Variants in KCNMA1 observed in about 807,000 individuals in gnomAD.
KCNMA1 encodes Calcium-activated potassium channel subunit alpha-1.
Under a neutral mutation model 140.0 loss-of-function variants are expected in KCNMA1, and 29 were observed. That is an observed-to-expected ratio of 0.21 (90% CI 0.15 to 0.28). KCNMA1 has a LOEUF of 0.28. KCNMA1 is among the 10% of genes least tolerant of loss of function. The probability of loss-of-function intolerance (pLI) is 1.00; values close to 1 mark genes in which losing one functional copy is unlikely to be tolerated. For synonymous variants in KCNMA1, 612 were observed against 611.9 expected, an observed-to-expected ratio of 1.00 and a Z score of 0.00; for missense variants, 880 against 1,602.2, an observed-to-expected ratio of 0.55 and a Z score of 7.70.
At chr10:77,242,458 A>C (rs986917088) in intron 3 of KCNMA1, among the ~76,000 whole-genome samples, 3 of 152,170 alleles carry the variant, frequency 2.0e-5, no homozygotes, top group South Asian at 2.1e-4. Context: ...TATTCAACTC[A>C]AAATCTCCCC....
chr10:77,026,126 T>C (rs1054577483), intron 16 of KCNMA1, among the ~76,000 whole-genome samples: 42 of 152,062 alleles, frequency 2.8e-4, no homozygotes, highest in African/African-American at 9.9e-4. Flanking sequence ...GTGCTCTGAG[T>C]TAGTTTTCTT....
At chr10:77,506,642 A>AGG (rs2046105296) in intron 1 of KCNMA1, among the ~76,000 whole-genome samples, 1 of 137,020 alleles carries the variant, frequency 7.3e-6, no homozygotes, top group African/African-American at 2.9e-5. Context: ...AGAGACAGAG[A>AGG]GGGAGAGAGA....
At chr10:76,871,232 C>G (rs761038639) in exon 28 of KCNMA1, 16 of 152,726 alleles carry the variant, frequency 1.0e-4, no homozygotes, top group Admixed American at 2.6e-4. Flanking sequence ...CCTTCCCTCA[C>G]GGACAGCTCT....
intron 1 of KCNMA1, among the ~76,000 whole-genome samples, chr10:77,581,510 T>C (rs138020789): frequency 1.9e-3 from 291 of 152,292 alleles, no homozygotes; most frequent in African/African-American, 6.6e-3. Context: ...TTTCACCGTG[T>C]TAGCCAGGAT....
chr10:77,328,823 TTTTTTG>T (rs1044978679), intron 2 of KCNMA1, among the ~76,000 whole-genome samples: 1 of 152,062 alleles, frequency 6.6e-6, no homozygotes, highest in African/African-American at 2.4e-5. Context: ...TATATCTATA[TTTTTTG>T]TTTTTGTTTT....
intron 5 of KCNMA1, among the ~76,000 whole-genome samples, chr10:77,128,527 C>A (rs568068028): frequency 1.1e-3 from 171 of 151,952 alleles, no homozygotes; most frequent in African/African-American, 4.0e-3. Context: ...CTCAGCACCC[C>A]CTACCTGCAT....
At chr10:77,259,708 A>G (rs2061553080) in intron 2 of KCNMA1, among the ~76,000 whole-genome samples, 1 of 152,168 alleles carries the variant, frequency 6.6e-6, no homozygotes, top group South Asian at 2.1e-4. Context: ...CTCACATGGG[A>G]TGCCCATCCT....
At chr10:76,952,917 A>T (rs755686894) in intron 21 of KCNMA1, among the ~76,000 whole-genome samples, 1 of 152,254 alleles carries the variant, frequency 6.6e-6, no homozygotes, top group Non-Finnish European at 1.5e-5. Flanking sequence ...GAACCCTTCC[A>T]TCTGACTTTC....
At chr10:77,277,371 C>G (rs997212692) in intron 2 of KCNMA1, among the ~76,000 whole-genome samples, 1 of 152,192 alleles carries the variant, frequency 6.6e-6, no homozygotes, top group African/African-American at 2.4e-5. Flanking sequence ...CACGATGGGT[C>G]TGGGCCAGGA....
rs34943268 is a variant in KCNMA1, at chr10:77,039,883, C to CTTTTTTTTTTTTTTTT, written c.1750-262_1750-247dup. Among the ~76,000 whole-genome samples the CTTTTTTTTTTTTTTTT allele has an allele frequency of 1.3e-3, 101 of 78,940 alleles. 2 individuals carry two copies. The highest frequency in any genetic ancestry group is 1.5e-3 in the Non-Finnish European group (69 of 45,734). The allele number at this position is 78,940 out of a possible 152,430, so 51.8% of individuals were successfully genotyped here. The stretch of plus-strand genomic sequence containing the variant: ...TCTTTCCTTTTTCTTTTTTCTTTTT[C>CTTTTTTTTTTTTTTTT]TTTTTTTTTTTTTTTTTTTTTTTGA... On this transcript the variant is annotated intron_variant, in intron 14 of 27. Coordinates refer to ENST00000286628, the MANE Select transcript of KCNMA1 (RefSeq NM_001161352.2).
chr10:76,935,088 C>T (rs1290221365), intron 23 of KCNMA1, among the ~76,000 whole-genome samples: 1 of 152,132 alleles, frequency 6.6e-6, no homozygotes, highest in African/African-American at 2.4e-5. Context: ...TTCACATTGC[C>T]CCCAGATTTA....
chr10:77,382,167 G>C (rs905642260), intron 2 of KCNMA1, among the ~76,000 whole-genome samples: 1 of 152,052 alleles, frequency 6.6e-6, no homozygotes, highest in Non-Finnish European at 1.5e-5. Flanking sequence ...CTGCACCACC[G>C]AGTAAGCCTT....
chr10:77,346,773 A>C (rs959795529), intron 2 of KCNMA1, among the ~76,000 whole-genome samples: 1 of 152,194 alleles, frequency 6.6e-6, no homozygotes, highest in Non-Finnish European at 1.5e-5. Context: ...TACCAGACCC[A>C]AGATGGAATT....
intron 7 of KCNMA1, among the ~76,000 whole-genome samples, chr10:77,111,326 C>G (rs2097316412): frequency 6.6e-6 from 1 of 152,234 alleles, no homozygotes; most frequent in Non-Finnish European, 1.5e-5. Context: ...TTTCCAGGGC[C>G]TGGCCTCTTT....
At chr10:76,891,838 C>T in intron 25 of KCNMA1, 119 bp from the exon 26 acceptor site, 1 of 802,244 alleles carries the variant, frequency 1.2e-6, no homozygotes, top group South Asian at 1.4e-5. Flanking sequence ...TGGCCTGTCT[C>T]TTCAAATAAT....
At chr10:77,511,031 C>T (rs960679052) in intron 1 of KCNMA1, among the ~76,000 whole-genome samples, 1 of 152,190 alleles carries the variant, frequency 6.6e-6, no homozygotes, top group African/African-American at 2.4e-5. Flanking sequence ...TCAAGGACAT[C>T]GAGCCTTGAA....
chr10:77,099,200 G>T (rs1431452401), intron 9 of KCNMA1, among the ~76,000 whole-genome samples: 1 of 151,972 alleles, frequency 6.6e-6, no homozygotes, highest in Admixed American at 6.6e-5. Flanking sequence ...TTTTGCCCAG[G>T]AGAGGGTTTT....
At chr10:77,334,349 AGGGTC>A (rs2154369108) in intron 2 of KCNMA1, among the ~76,000 whole-genome samples, 1 of 152,304 alleles carries the variant, frequency 6.6e-6, no homozygotes, top group Non-Finnish European at 1.5e-5. Context: ...CTGTGTATCA[AGGGTC>A]TTTATATATG....
chr10:77,394,194 A>C (rs1247256423), intron 2 of KCNMA1, among the ~76,000 whole-genome samples: 4 of 152,174 alleles, frequency 2.6e-5, no homozygotes, highest in African/African-American at 9.6e-5. Flanking sequence ...AGTGGCCAGG[A>C]TCAAGTGGGC....
Sources: allele counts gnomAD v4.1 joint callset (sites outside exome capture counted in the v4.1 genomes callset), GRCh38; gene constraint gnomAD v4.1.1; transcripts MANE v1.5; gene names NCBI Gene and HGNC (gene_info 2026-07-23, HGNC 2026-07-21).